KLHL29: variants seen among roughly 807,000 people sequenced by gnomAD.
The protein encoded by KLHL29 is kelch like family member 29.
In KLHL29, 21 loss-of-function variants were observed where a neutral mutation model predicts 80.4. That is an observed-to-expected ratio of 0.26 (90% CI 0.19 to 0.38). The LOEUF (loss-of-function observed/expected upper bound fraction) is 0.38. Ranked by LOEUF, KLHL29 falls within the 10% of genes least tolerant of loss-of-function variation. The probability of loss-of-function intolerance (pLI) is 1.00; values close to 1 mark genes in which losing one functional copy is unlikely to be tolerated. For missense variants in KLHL29, 867 were observed against 1,223.9 expected (o/e 0.71, Z 4.35); for synonymous variants, 511 against 526.8 (o/e 0.97, Z 0.41).
At chr2:23,632,397 C>T (rs1359584439) in intron 3 of KLHL29, among the ~76,000 whole-genome samples, 2 of 152,284 alleles carry the variant, frequency 1.3e-5, no homozygotes, top group Non-Finnish European at 2.9e-5. Context: ...CAGTCCCCAA[C>T]ACCCTGGTCT....
chr2:23,631,580 A>G (rs1471901778), intron 3 of KLHL29, among the ~76,000 whole-genome samples: 1 of 152,204 alleles, frequency 6.6e-6, no homozygotes, highest in Non-Finnish European at 1.5e-5. Flanking sequence ...GGGGCCAGAG[A>G]GGGCAGCCTC....
chr2:23,577,555 T>G (rs1667873744), intron 3 of KLHL29, among the ~76,000 whole-genome samples: 1 of 152,062 alleles, frequency 6.6e-6, no homozygotes, highest in Non-Finnish European at 1.5e-5. Context: ...AAGACCAGCC[T>G]GGCAAACATG....
At chr2:23,498,157 C>T (rs1479915354) in intron 2 of KLHL29, among the ~76,000 whole-genome samples, 1 of 152,204 alleles carries the variant, frequency 6.6e-6, no homozygotes, top group Non-Finnish European at 1.5e-5. Context: ...ATCCTATACA[C>T]TGACAGTGAA....
chr2:23,578,506 A>G (rs768863222), intron 3 of KLHL29, among the ~76,000 whole-genome samples: 2 of 152,244 alleles, frequency 1.3e-5, no homozygotes, highest in Non-Finnish European at 2.9e-5. Context: ...TGGCATCCAG[A>G]GCAGACTCTG....
intron 1 of KLHL29, among the ~76,000 whole-genome samples, chr2:23,398,854 C>CTACA (rs1666517850): frequency 1.4e-5 from 2 of 147,164 alleles, no homozygotes; most frequent in Non-Finnish European, 3.1e-5. Flanking sequence ...GCAAGTCCAT[C>CTACA]TACAGGGAGA....
intron 2 of KLHL29, among the ~76,000 whole-genome samples, chr2:23,483,928 G>A (rs1469679296): frequency 6.6e-6 from 1 of 152,122 alleles, no homozygotes; most frequent in African/African-American, 2.4e-5. Flanking sequence ...TCACATGCCT[G>A]CCTGCCTCCC....
Position 23,680,766 on chromosome 2 carries a change from G to T in KLHL29, c.941-3633G>T, listed in dbSNP as rs190273640. On this transcript the variant is annotated intron_variant, in intron 5 of 13. Coordinates refer to ENST00000486442, the MANE Select transcript of KLHL29 (RefSeq NM_052920.2). This position sits in a 1 kb window ranked among gnomAD's most constrained non-coding sequence, Gnocchi z 4.1. Reference sequence around the variant, plus strand: ...GGGTCTCTAGGCCATCTTCTCCTGGGGTCTCTAGGCCATCTTCTCCTGGGG... The same window carrying T: ...GGGTCTCTAGGCCATCTTCTCCTGGTGTCTCTAGGCCATCTTCTCCTGGGG... Among the ~76,000 whole-genome samples the T allele has an allele frequency of 9.7e-3, 1,479 of 151,954 alleles. 12 individuals are homozygous for T. The highest frequency in any genetic ancestry group is 0.015 in the Non-Finnish European group (1,009 of 67,912).
chr2:23,632,135 T>A (rs1410531062), intron 3 of KLHL29, among the ~76,000 whole-genome samples: 1 of 152,204 alleles, frequency 6.6e-6, no homozygotes, highest in African/African-American at 2.4e-5. Flanking sequence ...CCATTGGAGA[T>A]CCCCGTGGTG....
chr2:23,440,479 G>A, intron 1 of KLHL29, among the ~76,000 whole-genome samples: 2 of 152,052 alleles, frequency 1.3e-5, no homozygotes, highest in Non-Finnish European at 2.9e-5. Flanking sequence ...TTGACAAATG[G>A]GATCTAATTA....
intron 2 of KLHL29, among the ~76,000 whole-genome samples, chr2:23,523,335 A>G (rs529574482): frequency 1.3e-5 from 2 of 152,358 alleles, no homozygotes; most frequent in South Asian, 4.1e-4. Flanking sequence ...ATTCTAAAGC[A>G]AAGGACATAA....
intron 5 of KLHL29, among the ~76,000 whole-genome samples, chr2:23,675,866 A>G (rs567206827): frequency 6.6e-4 from 101 of 152,326 alleles, no homozygotes; most frequent in Non-Finnish European, 1.0e-3. Flanking sequence ...TATTTCAAAT[A>G]GTTCCAGTGG....
chr2:23,529,069 C>T (rs534936951), intron 2 of KLHL29, among the ~76,000 whole-genome samples: 2 of 152,350 alleles, frequency 1.3e-5, no homozygotes, highest in African/African-American at 2.4e-5. Context: ...TCTAACCATA[C>T]GTAGGGCCGA....
At chr2:23,556,163 G>T (rs1271426186) in intron 2 of KLHL29, among the ~76,000 whole-genome samples, 1 of 152,224 alleles carries the variant, frequency 6.6e-6, no homozygotes, top group African/African-American at 2.4e-5. Flanking sequence ...AGAGAAGGCA[G>T]CGGGGAGCCT....
chr2:23,413,289 C>T (rs1209200983), intron 1 of KLHL29, among the ~76,000 whole-genome samples: 2 of 148,422 alleles, frequency 1.3e-5, no homozygotes, highest in South Asian at 4.6e-4. Context: ...ATGAGCTGAT[C>T]TCCATGCTGA....
At position 23,550,333 on chromosome 2, in the gene KLHL29, A is replaced by T. The variant is rs564782153; in HGVS notation, c.-45-11819A>T. Among the ~76,000 whole-genome samples, 4 of 152,200 alleles carry T rather than the reference A, an allele frequency of 2.6e-5. No homozygotes were observed. In the South Asian group the frequency reaches 8.3e-4, roughly 32 times the overall value. On this transcript the variant is annotated intron_variant, in intron 2 of 13. Transcript: ENST00000486442. ...GCCAGAACAGGAAGTGGGCTACGTC[A>T]TGGTTTCCTGGGGAGGGATTTGGAC...
At chr2:23,442,921 G>A (rs1663572714) in intron 1 of KLHL29, among the ~76,000 whole-genome samples, 1 of 152,128 alleles carries the variant, frequency 6.6e-6, no homozygotes, top group Admixed American at 6.5e-5. Context: ...TTTTATGGAT[G>A]CCTTACAGTC....
chr2:23,655,580 G>A (rs989765862), intron 5 of KLHL29, among the ~76,000 whole-genome samples: 12 of 152,196 alleles, frequency 7.9e-5, no homozygotes, highest in Admixed American at 1.3e-4. Context: ...TCCCCAAATC[G>A]GCATAAATAG....
intron 1 of KLHL29, among the ~76,000 whole-genome samples, chr2:23,433,742 C>G (rs11884091): frequency 1.3e-5 from 2 of 151,642 alleles, no homozygotes; most frequent in African/African-American, 2.4e-5. Flanking sequence ...AATGAGACTC[C>G]CATCTCTACG....
Position 23,684,071 on chromosome 2 carries a change from A to C in KLHL29, c.941-328A>C, listed in dbSNP as rs1671169515. 1.3e-5 allele frequency among the ~76,000 whole-genome samples: 2 copies of C among 152,096 alleles called. No homozygotes were observed. Among genetic ancestry groups the C allele is most frequent in the Non-Finnish European group, 2.9e-5 (2 of 68,026 alleles). On this transcript the variant is annotated intron_variant, in intron 5 of 13. Coordinates refer to ENST00000486442, the MANE Select transcript of KLHL29 (RefSeq NM_052920.2). The surrounding 1 kb of genome is among the most constrained non-coding windows in gnomAD (Gnocchi z 4.4). ...TTGACAGTTTTTAGTTGTCTGTGAT[A>C]ATGTATTCTCTATGTTTCCAATCGT...
Sources: allele counts gnomAD v4.1 joint callset (sites outside exome capture counted in the v4.1 genomes callset), GRCh38; gene constraint gnomAD v4.1.1; non-coding constraint Gnocchi (gnomAD v3.1); transcripts MANE v1.5; gene names NCBI Gene and HGNC (gene_info 2026-07-23, HGNC 2026-07-21).